Variants in PNPLA3 observed in about 807,000 individuals in gnomAD.
The protein encoded by PNPLA3 is 1-acylglycerol-3-phosphate O-acyltransferase PNPLA3.
In PNPLA3, 42 loss-of-function variants were observed where a neutral mutation model predicts 43.1. The observed-to-expected ratio is 0.97, with a 90% CI of 0.76 to 1.26. The LOEUF (loss-of-function observed/expected upper bound fraction) is 1.26, where lower values mean the gene tolerates loss of function less well. Ranked by LOEUF, PNPLA3 falls within the 50% of genes most tolerant of loss-of-function variation. The pLI is 0.00. For synonymous variants in PNPLA3, 272 were observed against 253.6 expected (o/e 1.07, Z -0.69); for missense variants, 647 against 621.4 (o/e 1.04, Z -0.44).
Position 43,932,881 on chromosome 22 carries a change from T to C in PNPLA3, c.490T>C (p.Tyr164His). 2.5e-6 allele frequency: 4 copies of C among 1,614,082 alleles called. No homozygotes were observed. The highest frequency in any genetic ancestry group is 2.5e-6 in the Non-Finnish European group (3 of 1,179,944). Residue 164 changes from tyrosine (Y) to histidine (H), a missense_variant, in exon 4 of 9, where the codon TAT becomes CAT. Coordinates refer to ENST00000216180, the MANE Select transcript of PNPLA3 (RefSeq NM_025225.3). The part of the protein sequence containing the change: ...LIPPSFRGVR[Y>H]VDGGVSDNVP... The stretch of plus-strand genomic sequence containing the variant: ...CCTTTTTCCCCTTCTTTAAAAGCGA[T>C]ATGTGGATGGAGGAGTGAGTGACAA...
chr22:43,924,267 C>T (rs2049906734), intron 1 of PNPLA3, 169 bp downstream of exon 1: 2 of 840,440 alleles, frequency 2.4e-6, no homozygotes, highest in Non-Finnish European at 3.4e-6. Context: ...CCTGCGGGGG[C>T]GCTGTTCCTG....
rs761807604 is a variant in PNPLA3, at chr22:43,932,856, C to T, written c.487-22C>T. Reference sequence around the variant, plus strand: ...ACCCAGAGCTTCAGACAGTGCCAGTCCTTTTTCCCCTTCTTTAAAAGCGAT... The same window carrying T: ...ACCCAGAGCTTCAGACAGTGCCAGTTCTTTTTCCCCTTCTTTAAAAGCGAT... On this transcript the variant is annotated intron_variant, in intron 3 of 8. Transcript: ENST00000216180. 4.3e-6 allele frequency: 7 copies of T among 1,609,766 alleles called. No homozygotes were observed. In the African/African-American group the frequency reaches 8.0e-5, roughly 18 times the overall value.
chr22:43,939,823 A>G (rs2050019630), intron 6 of PNPLA3, among the ~76,000 whole-genome samples, 170 bp from the exon 7 acceptor site: 1 of 152,178 alleles, frequency 6.6e-6, no homozygotes, highest in African/African-American at 2.4e-5. Context: ...TGTCTGGAAA[A>G]AAAAGAAAGG....
intron 6 of PNPLA3, among the ~76,000 whole-genome samples, chr22:43,938,643 C>G (rs1240760334): frequency 6.6e-6 from 1 of 152,210 alleles, no homozygotes; most frequent in Non-Finnish European, 1.5e-5. Flanking sequence ...GGGAAATCCG[C>G]CCCCATGATC....
intron 8 of PNPLA3, 88 bp downstream of exon 8, chr22:43,944,883 T>C: frequency 2.5e-6 from 3 of 1,179,346 alleles, no homozygotes; most frequent in South Asian, 2.5e-5. Context: ...AACAGCTGGC[T>C]GAACACCAAG....
intron 3 of PNPLA3, among the ~76,000 whole-genome samples, chr22:43,931,445 C>T (rs1190162502): frequency 6.6e-6 from 1 of 152,176 alleles, no homozygotes; most frequent in African/African-American, 2.4e-5. Context: ...AGATGATCCA[C>T]CAGCCGCCTT....
chr22:43,940,987 A>T (rs1263683792), intron 7 of PNPLA3, among the ~76,000 whole-genome samples: 1 of 151,704 alleles, frequency 6.6e-6, no homozygotes, highest in Non-Finnish European at 1.5e-5. Flanking sequence ...AAAAATACAA[A>T]AATTAGCTGG....
chr22:43,938,976 T>C (rs1386980810), intron 6 of PNPLA3, among the ~76,000 whole-genome samples: 14 of 152,128 alleles, frequency 9.2e-5, no homozygotes, highest in Admixed American at 8.5e-4. Flanking sequence ...CAGGCTGGAG[T>C]GTGCAGTGGC....
Position 43,924,080 on chromosome 22 carries a change from C to T in PNPLA3, c.169C>T (p.Leu57Phe), listed in dbSNP as rs1158968759. Residue 57 changes from leucine (L) to phenylalanine (F), a missense_variant, in exon 1 of 9, where the codon CTC becomes TTC. Physicochemically the swap from Leu to Phe is conservative, Grantham distance 22. Coordinates refer to ENST00000216180, the MANE Select transcript of PNPLA3 (RefSeq NM_025225.3). ...CGGGGCGTTGCACTGCGTCGGCGTC[C>T]TCTCCGGTATCCCGCTGGGTGCGTC... ...SAGALHCVGVLSGIPLEQTLQ... is the reference protein window; with the variant it reads ...SAGALHCVGVFSGIPLEQTLQ... 3 of 1,564,436 alleles carry T rather than the reference C, an allele frequency of 1.9e-6. No homozygotes were observed. The highest frequency in any genetic ancestry group is 1.8e-5 in the Admixed American group (1 of 56,356).
At chr22:43,945,085 G>A (rs2050054348) in intron 8 of PNPLA3, among the ~76,000 whole-genome samples, 1 of 152,228 alleles carries the variant, frequency 6.6e-6, no homozygotes, top group Non-Finnish European at 1.5e-5. Context: ...CAGATAAGCA[G>A]GGAAAGGTGC....
rs1485632273 is a variant in PNPLA3, at chr22:43,940,061, A to G, written c.1048A>G (p.Ile350Val). 2 of 1,614,098 alleles carry G rather than the reference A, an allele frequency of 1.2e-6. No homozygotes were observed. The highest frequency in any genetic ancestry group is 2.2e-5 in the East Asian group (1 of 44,880). ...GATTTGCAACTTGCTACCCATTAGG[A>G]TAATGTCTTATGTAATGCTGCCCTG... Reference protein sequence around the residue: ...SKICNLLPIRIMSYVMLPCTL... With the variant: ...SKICNLLPIRVMSYVMLPCTL... The change falls in exon 7 of 9, where the codon ATA becomes GTA. Residue 350 changes from isoleucine (I) to valine (V), a missense_variant. Coordinates refer to ENST00000216180, the MANE Select transcript of PNPLA3 (RefSeq NM_025225.3).
chr22:43,931,454 T>G (rs555624917), intron 3 of PNPLA3, among the ~76,000 whole-genome samples: 9 of 152,318 alleles, frequency 5.9e-5, no homozygotes, highest in African/African-American at 1.9e-4. Context: ...ACCAGCCGCC[T>G]TCCTCCTTGG....
In PNPLA3 at chr22:43,925,727, A is replaced by T. The variant is rs2146773088; in HGVS notation, c.188-1208A>T. ...GGCACGAAATGTGGCCTCCAGGAGG[A>T]TTAGACCGCCACATGATCATTTGCA... On this transcript the variant is annotated intron_variant, in intron 1 of 8. Transcript: ENST00000216180. Among the ~76,000 whole-genome samples, 2 of 152,300 alleles carry T rather than the reference A, an allele frequency of 1.3e-5. 1 individual carries two copies. Among genetic ancestry groups the T allele is most frequent in the Admixed American group, 1.3e-4 (2 of 15,304 alleles).
Position 43,946,423 on chromosome 22 carries a change from G to C in PNPLA3, c.*41G>C. On this transcript the variant is annotated 3_prime_UTR_variant, in exon 9 of 9. Coordinates refer to ENST00000216180, the MANE Select transcript of PNPLA3 (RefSeq NM_025225.3). ...GAGTCTAGCAGATTCTTTCAGAGGT[G>C]CTAAAGTTTCCCATCTTTGTGCAGC... 1 of 1,582,102 alleles carries C rather than the reference G, an allele frequency of 6.3e-7. No homozygotes were observed. Among genetic ancestry groups the C allele is most frequent in the South Asian group, 1.1e-5 (1 of 90,368 alleles).
Position 43,927,067 on chromosome 22 carries a change from A to C in PNPLA3, c.320A>C (p.His107Pro), listed in dbSNP as rs1338633255. Residue 107 changes from histidine (H) to proline (P), a missense_variant, in exon 2 of 9, where the codon CAC (histidine) becomes CCC (proline). Coordinates refer to ENST00000216180, the MANE Select transcript of PNPLA3 (RefSeq NM_025225.3). ...TGCAAATGCCTCCCGGCCAATGTCCACCAGCTCATCTCCGGCAAAATAGGC... is the reference window on the plus strand; with the variant it reads ...TGCAAATGCCTCCCGGCCAATGTCCCCCAGCTCATCTCCGGCAAAATAGGC... The part of the protein sequence containing the change: ...GLCKCLPANV[H>P]QLISGKIGIS... 21 of 1,614,264 alleles carry C rather than the reference A, an allele frequency of 1.3e-5. No individual in the cohort carries two copies. Among genetic ancestry groups the C allele is most frequent in the Non-Finnish European group, 1.7e-5 (20 of 1,180,058 alleles).
Position 43,934,718 on chromosome 22 carries a change from G to T in PNPLA3, c.757+52G>T, listed in dbSNP as rs747613927. On this transcript the variant is annotated intron_variant, in intron 5 of 8. Coordinates refer to ENST00000216180, the MANE Select transcript of PNPLA3 (RefSeq NM_025225.3). Reference sequence around the variant, plus strand: ...ATGCCCTTTTGACAAGCATTTACTAGCGGTCTTGGTAAAGACTTGAGATTT... The same window carrying T: ...ATGCCCTTTTGACAAGCATTTACTATCGGTCTTGGTAAAGACTTGAGATTT... The T allele has an allele frequency of 2.5e-5, 38 of 1,536,560 alleles. No individual in the cohort carries two copies. The African/African-American group carries it at 5.1e-4, about 20-fold the overall frequency.
intron 3 of PNPLA3, among the ~76,000 whole-genome samples, chr22:43,931,645 A>C (rs2049962437): frequency 6.6e-6 from 1 of 152,136 alleles, no homozygotes; most frequent in Non-Finnish European, 1.5e-5. Flanking sequence ...CCTCCCGAGC[A>C]GCTGAGATTA....
intron 2 of PNPLA3, among the ~76,000 whole-genome samples, 200 bp downstream of exon 2, chr22:43,927,367 C>G (rs1420521570): frequency 6.6e-6 from 1 of 151,890 alleles, no homozygotes; most frequent in African/African-American, 2.4e-5. Flanking sequence ...TGTTGTGGGC[C>G]CATAGTCCCA....
At position 43,944,672 on chromosome 22, in the gene PNPLA3, C is replaced by T. The variant is rs753382721; in HGVS notation, c.1113-19C>T. 4 of 1,607,494 alleles carry T rather than the reference C, an allele frequency of 2.5e-6. No homozygotes were observed. The South Asian group carries it at 4.4e-5, about 18-fold the overall frequency. ...GTCTGCCTATGTGTGTGTTTGTGTA[C>T]TTGGTCTCATCTCTGCAGACTGGTG... On this transcript the variant is annotated intron_variant, in intron 7 of 8. Coordinates refer to ENST00000216180, the MANE Select transcript of PNPLA3 (RefSeq NM_025225.3).
Sources: gnomAD v4.1 joint callset for allele counts (sites outside exome capture counted in the v4.1 genomes callset) on GRCh38, gnomAD v4.1.1 for gene constraint, MANE v1.5 for transcripts, NCBI Gene and HGNC (gene_info 2026-07-23, HGNC 2026-07-21) for gene names.